SHANK2: variants seen among roughly 807,000 people sequenced by gnomAD.
SHANK2 encodes SH3 and multiple ankyrin repeat domains 2.
A neutral mutation model predicts 133.7 loss-of-function variants in SHANK2; 43 were observed. The ratio of observed to expected loss-of-function variants is 0.32; its 90% CI spans 0.25 to 0.41. The LOEUF is 0.41. SHANK2 is among the 10% of genes least tolerant of loss of function. The pLI is 1.00. For missense variants in SHANK2, 1,994 were observed against 2,235.8 expected, an observed-to-expected ratio of 0.89 and a Z score of 2.18; for synonymous variants, 1,017 against 952.8, an observed-to-expected ratio of 1.07 and a Z score of -1.24.
At chr11:70,917,881 G>A (rs545624732) in intron 10 of SHANK2, among the ~76,000 whole-genome samples, 85 of 152,124 alleles carry the variant, frequency 5.6e-4, no homozygotes, top group African/African-American at 1.9e-3. Flanking sequence ...AGGAGGGAGA[G>A]GATCGAGAAG....
chr11:71,179,612 T>C (rs1444709018), intron 2 of SHANK2, among the ~76,000 whole-genome samples: 1 of 152,132 alleles, frequency 6.6e-6, no homozygotes, highest in Non-Finnish European at 1.5e-5. Context: ...ATACATAAAA[T>C]GCATCCAGAG....
intron 3 of SHANK2, among the ~76,000 whole-genome samples, chr11:71,123,635 T>A (rs77161297): frequency 0.029 from 4,449 of 152,152 alleles, 201 homozygotes; most frequent in African/African-American, 0.098. Context: ...CATGTCAAGT[T>A]CTCCTTGAGG....
intron 11 of SHANK2, among the ~76,000 whole-genome samples, chr11:70,867,151 T>C (rs1949377100): frequency 6.8e-6 from 1 of 146,074 alleles, no homozygotes; most frequent in Non-Finnish European, 1.5e-5. Context: ...GAGAATGAGG[T>C]CCCTTGGGGT....
At chr11:70,856,850 C>G (rs139551523) in intron 11 of SHANK2, among the ~76,000 whole-genome samples, 125 of 152,280 alleles carry the variant, frequency 8.2e-4, no homozygotes, top group Non-Finnish European at 1.4e-3. Context: ...GGACTCTTTG[C>G]CCAGTGTGGT....
intron 17 of SHANK2, among the ~76,000 whole-genome samples, chr11:70,605,656 C>T (rs547247926): frequency 6.6e-6 from 1 of 152,218 alleles, no homozygotes; most frequent in Admixed American, 6.5e-5. Context: ...GAACTCTCTC[C>T]AAGGAGGCGG....
At chr11:70,517,179 A>T (rs1038466718) in intron 17 of SHANK2, among the ~76,000 whole-genome samples, 1 of 152,216 alleles carries the variant, frequency 6.6e-6, no homozygotes, top group African/African-American at 2.4e-5. Flanking sequence ...ACCACTACAC[A>T]CCTATGGAAT....
chr11:70,755,721 C>T (rs1472936167), intron 14 of SHANK2, among the ~76,000 whole-genome samples: 2 of 152,154 alleles, frequency 1.3e-5, no homozygotes, highest in African/African-American at 4.8e-5. Context: ...CAAGCAGGGA[C>T]GCCAGGCAGT....
At chr11:70,482,004 C>T (rs2058740113) in intron 25 of SHANK2, among the ~76,000 whole-genome samples, 1 of 152,236 alleles carries the variant, frequency 6.6e-6, no homozygotes, top group Non-Finnish European at 1.5e-5. Context: ...CCCACTTGTC[C>T]TTGTCAGTGT....
chr11:71,085,793 TGA>T (rs1951389543), intron 8 of SHANK2, among the ~76,000 whole-genome samples: 3 of 71,580 alleles, frequency 4.2e-5, no homozygotes, highest in Non-Finnish European at 6.9e-5. Context: ...ATATAATATA[TGA>T]TACAACATAA....
chr11:71,094,955 C>T (rs1951580662), intron 6 of SHANK2, among the ~76,000 whole-genome samples: 1 of 152,246 alleles, frequency 6.6e-6, no homozygotes, highest in African/African-American at 2.4e-5. Context: ...GTGTGGGCCA[C>T]AGTCCAAGAG....
intron 8 of SHANK2, among the ~76,000 whole-genome samples, chr11:71,076,723 T>G (rs905990044): frequency 6.6e-6 from 1 of 152,122 alleles, no homozygotes; most frequent in Admixed American, 6.5e-5. Flanking sequence ...AGCTCCACTC[T>G]CAGAGGTCCA....
At position 70,820,456 on chromosome 11, in the gene SHANK2, G is replaced by A. The variant is rs782545722; in HGVS notation, c.1401C>T (p.Tyr467=). The part of the protein sequence containing the change: ...PEGAAKTIGS[Y]VPGPRSRSPS... ...GGGACCGGCTGCGGGGCCCGGGCACGTAGCTCCCAATGGTCTTCGCGGCCC... is the reference window on the plus strand; with the variant it reads ...GGGACCGGCTGCGGGGCCCGGGCACATAGCTCCCAATGGTCTTCGCGGCCC... The change falls in exon 12 of 26, where the codon TAC becomes TAT. Residue 467 remains tyrosine (Y), a synonymous_variant. Coordinates refer to ENST00000601538, the MANE Select transcript of SHANK2 (RefSeq NM_012309.5). 19 of 714,756 alleles carry A rather than the reference G, an allele frequency of 2.7e-5. No homozygotes were observed. Among genetic ancestry groups the A allele is most frequent in the South Asian group, 7.4e-5 (5 of 67,478 alleles). 44.3% of individuals were successfully genotyped at this position (714,756 alleles called of 1,614,324 possible).
chr11:70,499,090 AGGCAGCACGAG>A (rs1565540164), intron 21 of SHANK2, among the ~76,000 whole-genome samples: 1 of 152,220 alleles, frequency 6.6e-6, no homozygotes, highest in East Asian at 1.9e-4. Flanking sequence ...AGACAGGTGG[AGGCAGCACGAG>A]GGGCCTGGAG....
chr11:71,239,780 G>T (rs943615861), intron 1 of SHANK2, among the ~76,000 whole-genome samples: 5 of 152,166 alleles, frequency 3.3e-5, no homozygotes, highest in Non-Finnish European at 7.4e-5. Context: ...TGGCCAAGAA[G>T]TCATTTTTGC....
At chr11:70,852,304 C>T (rs977518002) in intron 11 of SHANK2, among the ~76,000 whole-genome samples, 8 of 152,212 alleles carry the variant, frequency 5.3e-5, no homozygotes, top group South Asian at 2.1e-4. Context: ...GAGCGAGGAA[C>T]GTAAACCCCA....
chr11:70,521,755 C>T (rs970039929), intron 17 of SHANK2, among the ~76,000 whole-genome samples: 1 of 152,186 alleles, frequency 6.6e-6, no homozygotes, highest in African/African-American at 2.4e-5. Context: ...AACAGCAGCA[C>T]GCTGGTCACA....
intron 14 of SHANK2, among the ~76,000 whole-genome samples, chr11:70,707,208 C>T (rs1945679986): frequency 6.6e-6 from 1 of 151,656 alleles, no homozygotes; most frequent in Non-Finnish European, 1.5e-5. Context: ...CCCATCTCTA[C>T]TAAAAATATA....
At chr11:71,145,029 A>G (rs4945154) in intron 3 of SHANK2, among the ~76,000 whole-genome samples, 59,455 of 152,126 alleles carry the variant, frequency 0.39, 12,621 homozygotes, top group East Asian at 0.52. Flanking sequence ...TGAACTTTTC[A>G]TAACAATCAT....
intron 2 of SHANK2, among the ~76,000 whole-genome samples, chr11:71,189,540 G>A (rs1414558104): frequency 6.6e-6 from 1 of 152,138 alleles, no homozygotes; most frequent in Non-Finnish European, 1.5e-5. Context: ...GGGACTACAG[G>A]AGCACAACCC....
Sources: allele counts gnomAD v4.1 joint callset (sites outside exome capture counted in the v4.1 genomes callset), GRCh38; gene constraint gnomAD v4.1.1; transcripts MANE v1.5; gene names NCBI Gene and HGNC (gene_info 2026-07-23, HGNC 2026-07-21).